CCP110: variants seen among roughly 807,000 people sequenced by gnomAD.
CCP110 encodes centriolar coiled-coil protein 110, also known as centriolar coiled-coil protein of 110 kDa.
In CCP110, 43 loss-of-function variants were observed where a neutral mutation model predicts 105.5. The ratio of observed to expected loss-of-function variants is 0.41; its 90% CI spans 0.32 to 0.53. The LOEUF is 0.53. Ranked by LOEUF, CCP110 falls within the 20% of genes least tolerant of loss-of-function variation. The pLI is 0.32. For missense variants in CCP110, 1,016 were observed against 1,189.1 expected, an observed-to-expected ratio of 0.85 and a Z score of 2.14; for synonymous variants, 353 against 392.1, an observed-to-expected ratio of 0.90 and a Z score of 1.18.
chr16:19,550,396 G>A (rs930672730), intron 14 of CCP110, among the ~76,000 whole-genome samples: 1 of 152,050 alleles, frequency 6.6e-6, no homozygotes, highest in Non-Finnish European at 1.5e-5. Flanking sequence ...CAGGTGATCC[G>A]CCCACCTCGG....
exon 4 of CCP110, chr16:19,536,340 A>G (rs755275580): frequency 2.5e-6 from 4 of 1,612,816 alleles, no homozygotes; most frequent in Admixed American, 1.7e-5. Context: ...CCAGATCCCT[A>G]TGTAATGAGT....
chr16:19,544,217 A>G (rs1173944227), intron 8 of CCP110, among the ~76,000 whole-genome samples: 1 of 152,192 alleles, frequency 6.6e-6, no homozygotes, highest in Non-Finnish European at 1.5e-5. Context: ...CCTATGTTGA[A>G]ATATTGGGGG....
At chr16:19,537,428 A>C in exon 4 of CCP110, 1 of 1,613,756 alleles carries the variant, frequency 6.2e-7, no homozygotes. Context: ...AGTTAAACGG[A>C]GACTTGATTT....
At chr16:19,541,391 G>C (rs1000241897) in intron 5 of CCP110, among the ~76,000 whole-genome samples, 1 of 152,164 alleles carries the variant, frequency 6.6e-6, no homozygotes, top group Admixed American at 6.5e-5. Flanking sequence ...CCAGCACTTT[G>C]GGAGGCCGAG....
exon 4 of CCP110, chr16:19,537,586 A>G: frequency 2.0e-6 from 3 of 1,528,868 alleles, no homozygotes; most frequent in Non-Finnish European, 2.7e-6. Flanking sequence ...CTAGTTCCAA[A>G]GGTAAGGAAT....
In CCP110 at chr16:19,548,567, CAG is replaced by C; in HGVS notation, c.2956_2957del (p.Ser986GlnfsTer4). The C allele has an allele frequency of 6.5e-7, 1 of 1,549,876 alleles. No individual in the cohort carries two copies. The highest frequency in any genetic ancestry group is 2.0e-5 in the Admixed American group (1 of 50,950). On this transcript the variant is annotated frameshift_variant, in exon 14 of 15. Coordinates refer to ENST00000381396, the Ensembl canonical transcript of CCP110. LOFTEE classifies it high-confidence loss of function. The surrounding 1 kb of genome is among the most constrained non-coding windows in gnomAD (Gnocchi z 4.1). ...TGTGCAAAATAGACAGAAGCCTTCA[CAG>C]AGCAGAGTGCCTAACAGAGTGCCTG...
chr16:19,551,918 A>G (rs940152393), exon 15 of CCP110: 1 of 152,192 alleles, frequency 6.6e-6, no homozygotes, highest in African/African-American at 2.4e-5. Context: ...AAACATTTGT[A>G]CTAGGTTATA....
exon 4 of CCP110, chr16:19,537,549 T>C (rs760725833): frequency 1.5e-5 from 24 of 1,585,138 alleles, no homozygotes; most frequent in Non-Finnish European, 2.0e-5. Context: ...GGATCTGGCT[T>C]CGTTAACAAG....
At position 19,546,493 on chromosome 16, in the gene CCP110, TCTTAATGAGAGG is replaced by T. The variant is rs1970463474; in HGVS notation, c.2840+23_2840+34del. The stretch of plus-strand genomic sequence containing the variant: ...AAACAAGGTGAGAAAAATCACTTAG[TCTTAATGAGAGG>T]CTTTTTGTTTTTTATAGAAAAAAAA... On this transcript the variant is annotated intron_variant, in intron 12 of 14. Transcript: ENST00000381396. The T allele has an allele frequency of 8.2e-6, 12 of 1,455,290 alleles. No homozygotes were observed. In the South Asian group the frequency reaches 1.3e-4, roughly 16 times the overall value. The allele number at this position is 1,455,290 out of a possible 1,614,324, so 90.1% of individuals were successfully genotyped here. A position where few individuals can be genotyped will look rare whatever the true frequency, so the allele number is the denominator to read the frequency against.
intron 6 of CCP110, among the ~76,000 whole-genome samples, 199 bp downstream of exon 6, chr16:19,542,263 C>CT (rs754175612): frequency 7.9e-5 from 12 of 152,166 alleles, no homozygotes; most frequent in Admixed American, 2.6e-4. Flanking sequence ...CAAAGATTAC[C>CT]TTTGCCAGGA....
chr16:19,535,138 C>T (rs973537532), intron 3 of CCP110, among the ~76,000 whole-genome samples: 32 of 152,206 alleles, frequency 2.1e-4, no homozygotes, highest in African/African-American at 7.7e-4. Flanking sequence ...CCTCGGCCTC[C>T]CAAAGTGCTG....
intron 5 of CCP110, 110 bp from the exon 6 acceptor site, chr16:19,541,777 T>A: frequency 1.9e-6 from 1 of 523,184 alleles, no homozygotes; most frequent in Non-Finnish European, 3.2e-6. Flanking sequence ...AAACTTGAAA[T>A]AAATAATAAT....
intron 1 of CCP110, chr16:19,526,815 C>T (rs1001988223): frequency 1.3e-5 from 2 of 152,076 alleles, no homozygotes; most frequent in Admixed American, 1.3e-4. Flanking sequence ...AATTGAATTT[C>T]CCTGCCCTCT....
rs1390404149 is a variant in CCP110 at position 19,548,226 on chromosome 16, G to C, written c.2900+212G>C. 1 of 577,170 alleles carries C rather than the reference G, an allele frequency of 1.7e-6. No individual in the cohort carries two copies. Among genetic ancestry groups the C allele is most frequent in the Admixed American group, 3.3e-5 (1 of 30,012 alleles). The allele number at this position is 577,170 out of a possible 1,614,324, so 35.8% of individuals were successfully genotyped here. A position where few individuals can be genotyped will look rare whatever the true frequency, so the allele number is the denominator to read the frequency against. ...GTATTCTAATTACTGTCTTAAGTTG[G>C]GATGTTTTTACTTTTCATTTCATAC... On this transcript the variant is annotated intron_variant, in intron 13 of 14. Coordinates refer to ENST00000381396, the Ensembl canonical transcript of CCP110. The surrounding 1 kb of genome is among the most constrained non-coding windows in gnomAD (Gnocchi z 4.1).
At chr16:19,547,720 T>A in intron 12 of CCP110, 1 of 447,494 alleles carries the variant, frequency 2.2e-6, no homozygotes, top group East Asian at 3.9e-5. Context: ...GGTTAGTCTA[T>A]ATGTTGGACA....
At chr16:19,537,545 G>C (rs774136566) in exon 4 of CCP110, 1 of 1,585,448 alleles carries the variant, frequency 6.3e-7, no homozygotes, top group Non-Finnish European at 8.5e-7. Flanking sequence ...TAAGGGATCT[G>C]GCTTCGTTAA....
Position 19,548,128 on chromosome 16 carries a change from T to C in CCP110, c.2900+114T>C. 1.2e-6 allele frequency: 1 copy of C among 806,598 alleles called. No homozygotes were observed. Among genetic ancestry groups the C allele is most frequent in the Admixed American group, 2.2e-5 (1 of 45,550 alleles). The allele number at this position is 806,598 out of a possible 1,614,324, so 50.0% of individuals were successfully genotyped here. A position where few individuals can be genotyped will look rare whatever the true frequency, so the allele number is the denominator to read the frequency against. ...GGATAATGGTTTTTCAATGGGATTT[T>C]TTTTCTTTATAGCATTGGGAAAGAT... On this transcript the variant is annotated intron_variant, in intron 13 of 14. Coordinates refer to ENST00000381396, the Ensembl canonical transcript of CCP110. This position sits in a 1 kb window ranked among gnomAD's most constrained non-coding sequence, Gnocchi z 4.1.
rs1257159333 is a variant in CCP110 at position 19,540,522 on chromosome 16, C to G, written c.1919-135C>G. On this transcript the variant is annotated intron_variant, in intron 4 of 14. Coordinates refer to ENST00000381396, the Ensembl canonical transcript of CCP110. ...AAGGAGTGTGGTTCGAAGTAGAGAC[C>G]CAGCTATATCTTGATTGTATTATGT... The G allele has an allele frequency of 4.3e-6, 3 of 705,768 alleles. No individual in the cohort carries two copies. In the African/African-American group the frequency reaches 5.4e-5, roughly 13 times the overall value. The allele number at this position is 705,768 out of a possible 1,614,324, so 43.7% of individuals were successfully genotyped here.
intron 3 of CCP110, among the ~76,000 whole-genome samples, chr16:19,534,402 C>A (rs1969976784): frequency 6.6e-6 from 1 of 152,138 alleles, no homozygotes; most frequent in South Asian, 2.1e-4. Context: ...AATTAGATTT[C>A]TGCTTCACCT....
Sources: allele counts gnomAD v4.1 joint callset (sites outside exome capture counted in the v4.1 genomes callset), GRCh38; gene constraint gnomAD v4.1.1; non-coding constraint Gnocchi (gnomAD v3.1); transcripts MANE v1.5; gene names NCBI Gene and HGNC (gene_info 2026-07-23, HGNC 2026-07-21).